Variants in SOS1 observed in about 807,000 individuals in gnomAD.
SOS1 encodes the protein son of sevenless homolog 1.
Under a neutral mutation model 157.6 loss-of-function variants are expected in SOS1, and 25 were observed. The ratio of observed to expected loss-of-function variants is 0.16; its 90% CI spans 0.12 to 0.22. The LOEUF is 0.22. Among genes scored for constraint, SOS1 ranks in the 10% least tolerant of loss-of-function variants. The probability of loss-of-function intolerance (pLI) is 1.00; values close to 1 mark genes in which losing one functional copy is unlikely to be tolerated. For missense variants in SOS1, 1,237 were observed against 1,599.1 expected (o/e 0.77, Z 3.86); for synonymous variants, 528 against 534.0 (o/e 0.99, Z 0.16).
chr2:39,053,366 T>G (rs1037252394), intron 5 of SOS1, among the ~76,000 whole-genome samples: 1 of 152,224 alleles, frequency 6.6e-6, no homozygotes, highest in Non-Finnish European at 1.5e-5. Context: ...ATTAGTGATG[T>G]TGAACACCTT....
chr2:39,000,775 G>T lies in SOS1; in HGVS notation c.2792-3350C>A, dbSNP rs191689037. 5.9e-5 allele frequency among the ~76,000 whole-genome samples: 9 copies of T among 152,254 alleles called. No individual in the cohort carries two copies. The East Asian group carries it at 1.4e-3, about 23-fold the overall frequency. On this transcript the variant is annotated intron_variant, in intron 17 of 22. Coordinates refer to ENST00000402219, the MANE Select transcript of SOS1 (RefSeq NM_005633.4). ...ACTGTATCTTATCTGTCTATTCTTA[G>T]CATGTAGCCCTGGGCATAACACATA...
chr2:39,085,964 G>C (rs1672352630), intron 1 of SOS1, among the ~76,000 whole-genome samples: 1 of 152,294 alleles, frequency 6.6e-6, no homozygotes, highest in Admixed American at 6.5e-5. Context: ...GTAGTAAAAA[G>C]GTTAAGTGTG....
At chr2:39,056,463 A>G (rs1671216462) in intron 4 of SOS1, among the ~76,000 whole-genome samples, 1 of 152,156 alleles carries the variant, frequency 6.6e-6, no homozygotes, top group Admixed American at 6.5e-5. Flanking sequence ...AGATTACTCT[A>G]ATTAACCCTA....
Position 39,013,443 on chromosome 2 carries a change from T to TAAAA in SOS1, c.2167+13_2167+16dup. On this transcript the variant is annotated intron_variant, in intron 13 of 22. Transcript: ENST00000402219. ...TTTATTACATATAAAACTAGGCACC[T>TAAAA]AAAAAAAAAAACATACCTCTTACTG... 8.8e-7 allele frequency: 1 copy of TAAAA among 1,137,146 alleles called. No individual in the cohort carries two copies. Among genetic ancestry groups the TAAAA allele is most frequent in the Non-Finnish European group, 1.3e-6 (1 of 798,518 alleles). The allele number at this position is 1,137,146 out of a possible 1,614,324, so 70.4% of individuals were successfully genotyped here.
chr2:39,111,239 A>AAAT (rs993661528), intron 1 of SOS1, among the ~76,000 whole-genome samples: 1 of 152,188 alleles, frequency 6.6e-6, no homozygotes. Flanking sequence ...TCTCAAAAAA[A>AAAT]AATAATAATA....
rs1310566778 is a variant in SOS1 at position 38,983,558 on chromosome 2, G to T, written c.*2266C>A. 1 of 107,010 alleles carries T rather than the reference G, an allele frequency of 9.3e-6. No homozygotes were observed. Among genetic ancestry groups the T allele is most frequent in the Non-Finnish European group, 2.2e-5 (1 of 45,456 alleles). The allele number at this position is 107,010 out of a possible 1,614,324, so 6.6% of individuals were successfully genotyped here. A position where few individuals can be genotyped will look rare whatever the true frequency, so the allele number is the denominator to read the frequency against. On this transcript the variant is annotated 3_prime_UTR_variant, in exon 23 of 23. Coordinates refer to ENST00000402219, the MANE Select transcript of SOS1 (RefSeq NM_005633.4). The stretch of plus-strand genomic sequence containing the variant: ...TTTTTCCTCTTTATAGACTAGATAG[G>T]TTGAAAAGGGGTTATCACCTTATTG...
intron 1 of SOS1, among the ~76,000 whole-genome samples, chr2:39,102,609 T>C (rs548712187): frequency 4.7e-5 from 7 of 149,456 alleles, no homozygotes; most frequent in Admixed American, 2.7e-4. Flanking sequence ...ACAACAAGGA[T>C]TTTGAAGTCC....
intron 1 of SOS1, among the ~76,000 whole-genome samples, chr2:39,109,562 G>A (rs10184046): frequency 0.081 from 12,262 of 152,084 alleles, 1,767 homozygotes; most frequent in African/African-American, 0.28. Context: ...GAGCACCATC[G>A]TACTGCATTA....
Position 38,985,102 on chromosome 2 carries a change from T to G in SOS1, c.*722A>C, listed in dbSNP as rs957488474. 1.3e-5 allele frequency: 2 copies of G among 152,194 alleles called. No individual in the cohort carries two copies. Among genetic ancestry groups the G allele is most frequent in the African/African-American group, 4.8e-5 (2 of 41,432 alleles). The allele number at this position is 152,194 out of a possible 1,614,324, so 9.4% of individuals were successfully genotyped here. ...TCTGTCATGTTAATGACACAAAACTTCTCTTTTTTGAAGGCAACACCACCA... is the reference window on the plus strand; with the variant it reads ...TCTGTCATGTTAATGACACAAAACTGCTCTTTTTTGAAGGCAACACCACCA... On this transcript the variant is annotated 3_prime_UTR_variant, in exon 23 of 23. Transcript: ENST00000402219.
chr2:39,048,729 C>G lies in SOS1; in HGVS notation c.864+2415G>C, dbSNP rs556351836. On this transcript the variant is annotated intron_variant, in intron 6 of 22. Transcript: ENST00000402219. ...AGATTTTCTCTTTATCTTTGATGTTCTATAGTTTCACTGCCATGTTTTTAG... is the reference window on the plus strand; with the variant it reads ...AGATTTTCTCTTTATCTTTGATGTTGTATAGTTTCACTGCCATGTTTTTAG... Among the ~76,000 whole-genome samples the G allele has an allele frequency of 3.3e-4, 50 of 152,050 alleles. 1 individual carries two copies. The highest frequency in any genetic ancestry group is 2.2e-3 in the Admixed American group (34 of 15,268).
chr2:39,009,993 A>T (rs1669408051), intron 15 of SOS1, among the ~76,000 whole-genome samples: 1 of 152,212 alleles, frequency 6.6e-6, no homozygotes, highest in African/African-American at 2.4e-5. Context: ...AAGGAGGAAT[A>T]GAGGAAAAAG....
At chr2:38,996,337 G>T (rs563078247) in intron 19 of SOS1, among the ~76,000 whole-genome samples, 4 of 152,114 alleles carry the variant, frequency 2.6e-5, no homozygotes. Flanking sequence ...TGATCCACCC[G>T]CCTCAGCTTC....
intron 6 of SOS1, among the ~76,000 whole-genome samples, chr2:39,043,624 C>G (rs1173143906): frequency 6.6e-6 from 1 of 152,204 alleles, no homozygotes; most frequent in East Asian, 1.9e-4. Context: ...AAGGTCAAGA[C>G]AGGCAGGTGC....
At chr2:39,059,284 G>A (rs1671321089) in intron 2 of SOS1, among the ~76,000 whole-genome samples, 1 of 152,118 alleles carries the variant, frequency 6.6e-6, no homozygotes, top group Non-Finnish European at 1.5e-5. Flanking sequence ...ATCATGGAAA[G>A]CAATGGTTTG....
intron 4 of SOS1, among the ~76,000 whole-genome samples, chr2:39,056,273 T>C (rs895674384): frequency 4.0e-5 from 6 of 151,870 alleles, no homozygotes; most frequent in African/African-American, 7.3e-5. Context: ...AAAAATTAGC[T>C]AGGCATGGTG....
chr2:39,063,717 C>A (rs1203688944), intron 2 of SOS1, among the ~76,000 whole-genome samples: 5 of 152,156 alleles, frequency 3.3e-5, no homozygotes, highest in Admixed American at 3.3e-4. Flanking sequence ...TATACAGCAA[C>A]TAAAAATCAC....
intron 4 of SOS1, 137 bp downstream of exon 4, chr2:39,056,565 C>G: frequency 1.5e-6 from 1 of 665,552 alleles, no homozygotes; most frequent in Non-Finnish European, 2.7e-6. Context: ...AAAGTGGTAT[C>G]TTGAATCCCT....
intron 6 of SOS1, among the ~76,000 whole-genome samples, chr2:39,044,229 G>C (rs1026787229): frequency 3.3e-5 from 5 of 152,162 alleles, no homozygotes; most frequent in Non-Finnish European, 1.5e-5. Context: ...TGGTGGCACA[G>C]TAATCTCAAC....
At chr2:39,086,029 T>G (rs1272314768) in intron 1 of SOS1, among the ~76,000 whole-genome samples, 1 of 152,230 alleles carries the variant, frequency 6.6e-6, no homozygotes, top group Non-Finnish European at 1.5e-5. Context: ...AGTGTAACCC[T>G]GCACGAATTA....
Sources: gnomAD v4.1 joint callset for allele counts (sites outside exome capture counted in the v4.1 genomes callset) on GRCh38, gnomAD v4.1.1 for gene constraint, MANE v1.5 for transcripts, NCBI Gene and HGNC (gene_info 2026-07-23, HGNC 2026-07-21) for gene names.